The following TLR6 variants were observed in gnomAD, a reference collection of about 807,000 sequenced individuals.
TLR6 encodes toll-like receptor 6.
In TLR6, 9 loss-of-function variants were observed where a neutral mutation model predicts 16.1. That is an observed-to-expected ratio of 0.56 (90% CI 0.34 to 0.98). TLR6 has a LOEUF of 0.98. TLR6 is among the 50% of genes least tolerant of loss of function. The probability of loss-of-function intolerance (pLI) is 0.02; values close to 1 mark genes in which losing one functional copy is unlikely to be tolerated. For synonymous variants in TLR6, 340 were observed against 338.6 expected, an observed-to-expected ratio of 1.00 and a Z score of -0.04; for missense variants, 786 against 921.0, an observed-to-expected ratio of 0.85 and a Z score of 1.90.
chr4:38,854,725 A>C (rs1435915013), intron 1 of TLR6, among the ~76,000 whole-genome samples: 1 of 152,218 alleles, frequency 6.6e-6, no homozygotes, highest in Non-Finnish European at 1.5e-5. Context: ...ATTCCACTAC[A>C]AGGAATTTTC....
exon 2 of TLR6, chr4:38,827,458 A>G: frequency 6.2e-7 from 1 of 1,614,258 alleles, no homozygotes; most frequent in Non-Finnish European, 8.5e-7. Flanking sequence ...TCTCATGAAG[A>G]CAAATCTGTA....
chr4:38,847,619 G>T (rs1023405766), intron 1 of TLR6, among the ~76,000 whole-genome samples: 3 of 152,194 alleles, frequency 2.0e-5, no homozygotes, highest in Admixed American at 2.0e-4. Flanking sequence ...TTAGCAAACG[G>T]CATACCAGGA....
chr4:38,824,376 T>C (rs970089982), exon 2 of TLR6: 10 of 152,186 alleles, frequency 6.6e-5, no homozygotes, highest in African/African-American at 2.4e-4. Flanking sequence ...ATGGGAAGAA[T>C]GTGACGGAGA....
chr4:38,839,814 G>A (rs79226383), intron 1 of TLR6, among the ~76,000 whole-genome samples: 2 of 152,308 alleles, frequency 1.3e-5, no homozygotes, highest in East Asian at 3.9e-4. Flanking sequence ...GTAGAAAATT[G>A]AGCTTCTGAG....
chr4:38,830,385 CA>C (rs1290246469), intron 1 of TLR6, among the ~76,000 whole-genome samples: 1 of 152,116 alleles, frequency 6.6e-6, no homozygotes, highest in African/African-American at 2.4e-5. Flanking sequence ...AGTCATTAAA[CA>C]AGCAACTATA....
intron 1 of TLR6, among the ~76,000 whole-genome samples, chr4:38,833,168 G>A (rs1465817903): frequency 3.3e-5 from 5 of 152,178 alleles, no homozygotes; most frequent in Admixed American, 6.5e-5. Context: ...CACACAAATT[G>A]TGCAGGGGCC....
intron 1 of TLR6, among the ~76,000 whole-genome samples, chr4:38,849,265 G>A (rs1712668992): frequency 6.6e-6 from 1 of 152,124 alleles, no homozygotes; most frequent in Non-Finnish European, 1.5e-5. Context: ...CCCTAAAAGA[G>A]CTCCTGAAGG....
At chr4:38,831,973 C>T (rs552318789) in intron 1 of TLR6, among the ~76,000 whole-genome samples, 1 of 152,278 alleles carries the variant, frequency 6.6e-6, no homozygotes, top group East Asian at 1.9e-4. Context: ...TCTTATCACA[C>T]AATCCAGCAA....
chr4:38,838,286 C>G (rs1450916516), intron 1 of TLR6, among the ~76,000 whole-genome samples: 1 of 152,170 alleles, frequency 6.6e-6, no homozygotes, highest in Non-Finnish European at 1.5e-5. Context: ...CAAAGGGATA[C>G]CTGCACCTCC....
At chr4:38,824,126 C>T (rs1035639851) in exon 2 of TLR6, 1 of 150,562 alleles carries the variant, frequency 6.6e-6, no homozygotes, top group Non-Finnish European at 1.5e-5. Flanking sequence ...AAATCCAGGA[C>T]TTCATGGACA....
intron 1 of TLR6, among the ~76,000 whole-genome samples, chr4:38,842,058 A>G (rs1270091057): frequency 6.6e-6 from 1 of 152,136 alleles, no homozygotes; most frequent in Non-Finnish European, 1.5e-5. Context: ...ATTCAGGATT[A>G]TGGCACTTGG....
At chr4:38,847,300 G>A (rs1395437109) in intron 1 of TLR6, among the ~76,000 whole-genome samples, 1 of 152,154 alleles carries the variant, frequency 6.6e-6, no homozygotes, top group Non-Finnish European at 1.5e-5. Flanking sequence ...CACATTAGGG[G>A]GGGTGGTTCC....
downstream of TLR6, among the ~76,000 whole-genome samples, chr4:38,822,988 A>G (rs752897111): frequency 1.3e-5 from 2 of 152,232 alleles, no homozygotes; most frequent in African/African-American, 2.4e-5. Flanking sequence ...AGCAAGTCAC[A>G]TCTTACATGT....
At chr4:38,862,315 C>T in the TLR6 span, among the ~76,000 whole-genome samples, 5 of 152,214 alleles carry the variant, frequency 3.3e-5, no homozygotes, top group African/African-American at 9.6e-5. Flanking sequence ...GTTTCACTCC[C>T]ATCACCCTGG....
At chr4:38,858,900 AAAG>A (rs1560274791), upstream of TLR6, among the ~76,000 whole-genome samples, 2 of 149,520 alleles carry the variant, frequency 1.3e-5, no homozygotes, top group East Asian at 3.9e-4. Flanking sequence ...AGAAAGAAAG[AAAG>A]AAAAGAAAGA....
chr4:38,852,647 C>CT, intron 1 of TLR6, among the ~76,000 whole-genome samples: 1 of 151,788 alleles, frequency 6.6e-6, no homozygotes, highest in Non-Finnish European at 1.5e-5. Flanking sequence ...TCATCACTGG[C>CT]CATCAGAGAA....
intron 1 of TLR6, among the ~76,000 whole-genome samples, chr4:38,837,718 C>T (rs1712006630): frequency 6.6e-6 from 1 of 151,972 alleles, no homozygotes; most frequent in Non-Finnish European, 1.5e-5. Context: ...TTCAAAAGTA[C>T]AGGCAATGAA....
At chr4:38,840,165 GC>G (rs1177988114) in intron 1 of TLR6, among the ~76,000 whole-genome samples, 1 of 152,166 alleles carries the variant, frequency 6.6e-6, no homozygotes, top group Non-Finnish European at 1.5e-5. Context: ...GAGAGGATTG[GC>G]CACATAATGT....
chr4:38,836,167 A>G (rs1332397595), intron 1 of TLR6, among the ~76,000 whole-genome samples: 6 of 152,118 alleles, frequency 3.9e-5, no homozygotes, highest in Admixed American at 3.3e-4. Flanking sequence ...TTAAAAATAG[A>G]AAAGATCAAT....
Sources: allele counts gnomAD v4.1 joint callset (sites outside exome capture counted in the v4.1 genomes callset), GRCh38; gene constraint gnomAD v4.1.1; transcripts MANE v1.5; gene names NCBI Gene and HGNC (gene_info 2026-07-23, HGNC 2026-07-21).